Variants in BRAF observed in about 807,000 individuals in gnomAD.
The protein encoded by BRAF is serine/threonine-protein kinase B-raf.
Under a neutral mutation model 104.6 loss-of-function variants are expected in BRAF, and 16 were observed. That is an observed-to-expected ratio of 0.15 (90% confidence interval 0.10 to 0.23). The LOEUF is 0.23. Among genes scored for constraint, BRAF ranks in the 10% least tolerant of loss-of-function variants. BRAF has a pLI of 1.00. For missense variants in BRAF, 541 were observed against 937.3 expected (o/e 0.58, Z 5.52); for synonymous variants, 310 against 341.6 (o/e 0.91, Z 1.02).
downstream of BRAF, among the ~76,000 whole-genome samples, chr7:140,716,445 C>CCATT (rs113017749): frequency 0.011 from 1,736 of 152,286 alleles, 34 homozygotes; most frequent in African/African-American, 0.039. Flanking sequence ...TATTTCTAGA[C>CCATT]CATTGGACCT....
In BRAF at chr7:140,723,809, T is replaced by A; in HGVS notation, c.*2685A>T. The A allele has an allele frequency of 9.5e-7, 1 of 1,047,408 alleles. No homozygotes were observed. 64.9% of individuals were successfully genotyped at this position (1,047,408 alleles called of 1,614,324 possible). On this transcript the variant is annotated 3_prime_UTR_variant, in exon 20 of 20. Transcript: ENST00000644969. ...CAGTGACGCAGCCACATACTGTCTA[T>A]ACAATTACTCATAAAGTGCTTTTCA... is the stretch of plus-strand genomic sequence containing the variant.
At chr7:140,727,031 G>C (rs1795633678) in intron 19 of BRAF, among the ~76,000 whole-genome samples, 1 of 152,178 alleles carries the variant, frequency 6.6e-6, no homozygotes, top group South Asian at 2.1e-4. Context: ...CTATTTTCTA[G>C]TTAATTTCAC....
At chr7:140,753,024 A>G (rs986886120) in intron 16 of BRAF, among the ~76,000 whole-genome samples, 5 of 152,234 alleles carry the variant, frequency 3.3e-5, no homozygotes, top group Non-Finnish European at 4.4e-5. Flanking sequence ...ATTTAAGAAT[A>G]AAATATGAAA....
At chr7:140,747,149 T>C (rs562415049) in intron 17 of BRAF, among the ~76,000 whole-genome samples, 2 of 152,300 alleles carry the variant, frequency 1.3e-5, no homozygotes, top group Admixed American at 6.5e-5. Flanking sequence ...TCACTGAGGA[T>C]GGCCAGAGTT....
chr7:140,780,113 T>TA (rs150151603), intron 12 of BRAF, among the ~76,000 whole-genome samples: 2 of 152,200 alleles, frequency 1.3e-5, no homozygotes, highest in South Asian at 2.1e-4. Context: ...TTTGAAGGTA[T>TA]AAAAAAATTC....
intron 1 of BRAF, among the ~76,000 whole-genome samples, chr7:140,889,000 G>A (rs1314563429): frequency 2.0e-5 from 3 of 152,040 alleles, no homozygotes; most frequent in Non-Finnish European, 2.9e-5. Flanking sequence ...ACAATACATA[G>A]TATTATTGCC....
chr7:140,904,165 G>A (rs1369296932), intron 1 of BRAF, among the ~76,000 whole-genome samples: 1 of 152,194 alleles, frequency 6.6e-6, no homozygotes, highest in Non-Finnish European at 1.5e-5. Flanking sequence ...CTGGTACAGA[G>A]AAATCTTTTG....
chr7:140,842,592 T>TA (rs1342655170), intron 2 of BRAF, among the ~76,000 whole-genome samples: 3 of 152,190 alleles, frequency 2.0e-5, no homozygotes, highest in Non-Finnish European at 4.4e-5. Context: ...CATTATATCT[T>TA]ACACATAGAA....
chr7:140,716,941 G>A (rs1202274674), downstream of BRAF, among the ~76,000 whole-genome samples: 1 of 152,210 alleles, frequency 6.6e-6, no homozygotes, highest in African/African-American at 2.4e-5. Context: ...CCAACGTGCA[G>A]TGTCAGGGAA....
chr7:140,877,576 T>G (rs1258035689), intron 1 of BRAF, among the ~76,000 whole-genome samples: 1 of 152,116 alleles, frequency 6.6e-6, no homozygotes, highest in Non-Finnish European at 1.5e-5. Flanking sequence ...AAAGCTTGTT[T>G]GTTGAAAAGA....
intron 3 of BRAF, among the ~76,000 whole-genome samples, chr7:140,818,594 T>C (rs1299071119): frequency 6.6e-6 from 1 of 152,204 alleles, no homozygotes; most frequent in Non-Finnish European, 1.5e-5. Context: ...ATTACAGGCA[T>C]GAGCCAACAC....
At position 140,725,139 on chromosome 7, in the gene BRAF, T is replaced by C; in HGVS notation, c.*1355A>G. On this transcript the variant is annotated 3_prime_UTR_variant, in exon 20 of 20. Coordinates refer to ENST00000644969, the MANE Select transcript of BRAF (RefSeq NM_001374258.1). Reference sequence around the variant, plus strand: ...CTTGGGAAAAAAGGAAGAAGGAGAATGAATGGAGACGCCACCATTTTTATT... The same window carrying C: ...CTTGGGAAAAAAGGAAGAAGGAGAACGAATGGAGACGCCACCATTTTTATT... 9.6e-7 allele frequency: 1 copy of C among 1,042,566 alleles called. No homozygotes were observed. Among genetic ancestry groups the C allele is most frequent in the East Asian group, 5.7e-5 (1 of 17,462 alleles). 64.6% of individuals were successfully genotyped at this position (1,042,566 alleles called of 1,614,324 possible).
At position 140,720,960 on chromosome 7, in the gene BRAF, G is replaced by C; in HGVS notation, c.*5534C>G. 9.4e-7 allele frequency: 1 copy of C among 1,065,158 alleles called. No individual in the cohort carries two copies. The highest frequency in any genetic ancestry group is 1.1e-6 in the Non-Finnish European group (1 of 879,258). The allele number at this position is 1,065,158 out of a possible 1,614,324, so 66.0% of individuals were successfully genotyped here. On this transcript the variant is annotated 3_prime_UTR_variant, in exon 20 of 20. Coordinates refer to ENST00000644969, the MANE Select transcript of BRAF (RefSeq NM_001374258.1). ...ATGAGAACCAGCGGTCACGGTGCTG[G>C]AGAATGAACTCGGCTGGCCGGGAGA... is the stretch of plus-strand genomic sequence containing the variant.
At chr7:140,747,355 A>C (rs1207560104) in intron 17 of BRAF, 1 of 1,243,630 alleles carries the variant, frequency 8.0e-7, no homozygotes, top group African/African-American at 1.6e-5. Context: ...ATTAACTAGT[A>C]AAGGCCTTAC....
intron 5 of BRAF, among the ~76,000 whole-genome samples, chr7:140,807,160 C>T (rs1803740880): frequency 6.6e-6 from 1 of 152,144 alleles, no homozygotes; most frequent in South Asian, 2.1e-4. Context: ...TAGGCTTATG[C>T]TAGGTTCTAG....
intron 14 of BRAF, among the ~76,000 whole-genome samples, chr7:140,759,825 T>C (rs372383957): frequency 1.3e-5 from 2 of 152,228 alleles, no homozygotes; most frequent in South Asian, 4.1e-4. Context: ...CACTTTAATA[T>C]GGACACGAAT....
intron 8 of BRAF, among the ~76,000 whole-genome samples, chr7:140,793,392 G>C (rs1802176518): frequency 6.6e-6 from 1 of 151,912 alleles, no homozygotes; most frequent in Admixed American, 6.6e-5. Context: ...ACTAGTACTA[G>C]AAAAAAGTCA....
chr7:140,846,201 C>T (rs1188221330), intron 2 of BRAF, among the ~76,000 whole-genome samples: 2 of 152,090 alleles, frequency 1.3e-5, no homozygotes, highest in African/African-American at 2.4e-5. Flanking sequence ...ACTCGTACAC[C>T]CATGTTCACA....
chr7:140,856,264 G>A (rs1458044883), intron 1 of BRAF, among the ~76,000 whole-genome samples: 1 of 151,836 alleles, frequency 6.6e-6, no homozygotes, highest in Admixed American at 6.6e-5. Flanking sequence ...GTTGGGGGAG[G>A]AACAGAGGGA....
Sources: allele counts gnomAD v4.1 joint callset (sites outside exome capture counted in the v4.1 genomes callset), GRCh38; gene constraint gnomAD v4.1.1; transcripts MANE v1.5; gene names NCBI Gene and HGNC (gene_info 2026-07-23, HGNC 2026-07-21).